DYM: variants seen among roughly 807,000 people sequenced by gnomAD.
DYM encodes the protein dymeclin.
Under a neutral mutation model 93.1 loss-of-function variants are expected in DYM, and 78 were observed. That is an observed-to-expected ratio of 0.84 (90% CI 0.70 to 1.01). The LOEUF (loss-of-function observed/expected upper bound fraction) is 1.01, where lower values mean the gene tolerates loss of function less well. Ranked by LOEUF, DYM falls within the 50% of genes least tolerant of loss-of-function variation. The pLI is 0.00. For missense variants in DYM, 789 were observed against 845.0 expected, an observed-to-expected ratio of 0.93 and a Z score of 0.82; for synonymous variants, 321 against 319.7, an observed-to-expected ratio of 1.00 and a Z score of -0.04.
chr18:49,130,858 T>C (rs1475050233), intron 15 of DYM, among the ~76,000 whole-genome samples: 1 of 151,984 alleles, frequency 6.6e-6, no homozygotes, highest in African/African-American at 2.4e-5. Context: ...GGTTGGGGGT[T>C]TTGTGGGGAG....
intron 17 of DYM, among the ~76,000 whole-genome samples, chr18:49,077,049 A>G (rs1454410536): frequency 6.6e-6 from 1 of 152,220 alleles, no homozygotes; most frequent in Non-Finnish European, 1.5e-5. Flanking sequence ...CTGGTCTCCA[A>G]TTACAATTTA....
At chr18:49,217,447 A>G (rs1345861209) in intron 13 of DYM, among the ~76,000 whole-genome samples, 1 of 152,104 alleles carries the variant, frequency 6.6e-6, no homozygotes, top group Non-Finnish European at 1.5e-5. Flanking sequence ...CAAGACACAT[A>G]ATTGTCAGAT....
At chr18:49,219,147 A>G (rs1297975099) in intron 13 of DYM, among the ~76,000 whole-genome samples, 1 of 152,214 alleles carries the variant, frequency 6.6e-6, no homozygotes, top group Non-Finnish European at 1.5e-5. Context: ...AATAAACTAG[A>G]AAATCTAGAA....
At chr18:49,289,718 T>G (rs2059915017) in intron 8 of DYM, among the ~76,000 whole-genome samples, 1 of 29,816 alleles carries the variant, frequency 3.4e-5, no homozygotes, top group Admixed American at 5.3e-4. Context: ...CTCAAATATA[T>G]ATATATGTGT....
chr18:49,385,918 T>G (rs1261979298), intron 3 of DYM, among the ~76,000 whole-genome samples: 1 of 151,968 alleles, frequency 6.6e-6, no homozygotes, highest in Non-Finnish European at 1.5e-5. Flanking sequence ...CCAAAATTGT[T>G]GAAAAACATT....
chr18:49,282,292 T>C (rs1355231035), intron 9 of DYM, 117 bp from the exon 10 acceptor site: 1 of 1,059,422 alleles, frequency 9.4e-7, no homozygotes, highest in Non-Finnish European at 1.4e-6. Context: ...AGTCACTACA[T>C]TTCAGATTCA....
chr18:49,170,832 C>T (rs1326765177), intron 14 of DYM, among the ~76,000 whole-genome samples: 1 of 141,166 alleles, frequency 7.1e-6, no homozygotes, highest in African/African-American at 2.6e-5. Context: ...ACACCAAGAC[C>T]GAAAGGGTGA....
At chr18:49,285,260 G>A (rs1253956143) in intron 9 of DYM, among the ~76,000 whole-genome samples, 1 of 152,192 alleles carries the variant, frequency 6.6e-6, no homozygotes, top group Non-Finnish European at 1.5e-5. Flanking sequence ...CGCAATTAAT[G>A]GGCACATTTA....
intron 5 of DYM, 122 bp downstream of exon 5, chr18:49,378,445 T>A: frequency 1.0e-6 from 1 of 955,092 alleles, no homozygotes; most frequent in South Asian, 1.6e-5. Flanking sequence ...CAGTATAAGT[T>A]CATTTTAAAA....
At chr18:49,193,755 G>A (rs1411769528) in intron 14 of DYM, among the ~76,000 whole-genome samples, 2 of 152,058 alleles carry the variant, frequency 1.3e-5, no homozygotes, top group Non-Finnish European at 2.9e-5. Flanking sequence ...TTCTACTTTC[G>A]GCTTGTTGTG....
intron 16 of DYM, among the ~76,000 whole-genome samples, chr18:49,104,218 G>A (rs1218664528): frequency 2.0e-5 from 3 of 152,088 alleles, no homozygotes; most frequent in Admixed American, 6.5e-5. Context: ...CTGTTTGTCT[G>A]TTATTGGTGT....
chr18:49,104,171 G>C (rs956078685), intron 16 of DYM, among the ~76,000 whole-genome samples: 1 of 152,044 alleles, frequency 6.6e-6, no homozygotes, highest in Non-Finnish European at 1.5e-5. Context: ...TCTCTTTGAA[G>C]CAATTGTGAA....
At chr18:49,286,311 A>G (rs1194800591) in intron 9 of DYM, 123 bp downstream of exon 9, 1 of 1,143,174 alleles carries the variant, frequency 8.7e-7, no homozygotes, top group East Asian at 2.4e-5. Context: ...AGTTTTTCTC[A>G]TGTTTGACCA....
At chr18:49,129,224 C>T (rs2083146686) in intron 15 of DYM, among the ~76,000 whole-genome samples, 1 of 152,088 alleles carries the variant, frequency 6.6e-6, no homozygotes, top group African/African-American at 2.4e-5. Context: ...GTCACTTTCA[C>T]AGGCCTCATT....
chr18:49,150,317 T>G (rs2085673976), intron 15 of DYM, among the ~76,000 whole-genome samples: 1 of 152,228 alleles, frequency 6.6e-6, no homozygotes, highest in African/African-American at 2.4e-5. Flanking sequence ...GCTGAAGGCC[T>G]AACCCCCCAG....
rs968876446 is a variant in DYM at position 49,043,867 on chromosome 18, C to T, written c.*188G>A. 27 of 685,808 alleles carry T rather than the reference C, an allele frequency of 3.9e-5. No homozygotes were observed. Among genetic ancestry groups the T allele is most frequent in the African/African-American group, 1.1e-4 (6 of 56,158 alleles). The allele number at this position is 685,808 out of a possible 1,614,324, so 42.5% of individuals were successfully genotyped here. A position where few individuals can be genotyped will look rare whatever the true frequency, so the allele number is the denominator to read the frequency against. Reference sequence around the variant, plus strand: ...CCTCCCCTTTTTGCAATACTATCTACGCTGAGTTATCTATTGCCAACTAGC... The same window carrying T: ...CCTCCCCTTTTTGCAATACTATCTATGCTGAGTTATCTATTGCCAACTAGC... On this transcript the variant is annotated 3_prime_UTR_variant, in exon 18 of 18. Transcript: ENST00000675505.
chr18:49,138,144 C>A (rs528242380), intron 15 of DYM, among the ~76,000 whole-genome samples: 8 of 152,112 alleles, frequency 5.3e-5, no homozygotes, highest in Non-Finnish European at 7.3e-5. Context: ...GTGCCATGAT[C>A]TGAACTAATT....
At chr18:49,422,029 T>C (rs894378315) in intron 2 of DYM, among the ~76,000 whole-genome samples, 1 of 152,350 alleles carries the variant, frequency 6.6e-6, no homozygotes, top group South Asian at 2.1e-4. Flanking sequence ...CTATGTCTGA[T>C]TGGTGTACCT....
At position 49,258,388 on chromosome 18, in the gene DYM, T is replaced by C; in HGVS notation, c.1357A>G (p.Arg453Gly). 6.2e-7 allele frequency: 1 copy of C among 1,601,050 alleles called. No individual in the cohort carries two copies. Among genetic ancestry groups the C allele is most frequent in the South Asian group, 1.1e-5 (1 of 90,832 alleles). ...VIRTIQYNMT[R>G]TRDKYLHTNC... ...GCAGCTGGAATACTTACTCGTGTCC[T>C]AGTCATGTTGTATTGAATGGTTCTT... Residue 453 changes from arginine to glycine, a missense_variant, in exon 12 of 18, where the codon AGG becomes GGG. Transcript: ENST00000675505.
Sources: gnomAD v4.1 joint callset for allele counts (sites outside exome capture counted in the v4.1 genomes callset) on GRCh38, gnomAD v4.1.1 for gene constraint, MANE v1.5 for transcripts, NCBI Gene and HGNC (gene_info 2026-07-23, HGNC 2026-07-21) for gene names.